The following NBEA variants were observed in gnomAD, a reference collection of about 807,000 sequenced individuals.
NBEA encodes the protein neurobeachin, also known as lysosomal-trafficking regulator 2.
Under a neutral mutation model 343.4 loss-of-function variants are expected in NBEA, and 44 were observed. The observed-to-expected ratio is 0.13, with a 90% CI of 0.10 to 0.16. The LOEUF is 0.16. Among genes scored for constraint, NBEA ranks in the 10% least tolerant of loss-of-function variants. The pLI, the probability that NBEA is intolerant of heterozygous loss-of-function variation, is 1.00. For synonymous variants in NBEA, 1,175 were observed against 1,238.7 expected (o/e 0.95, Z 1.08); for missense variants, 2,555 against 3,631.3 (o/e 0.70, Z 7.62).
At chr13:35,326,916 A>G (rs1017001748) in intron 36 of NBEA, among the ~76,000 whole-genome samples, 1 of 152,062 alleles carries the variant, frequency 6.6e-6, no homozygotes, top group African/African-American at 2.4e-5. Flanking sequence ...GAATCTATAA[A>G]GAACTTAAAC....
intron 1 of NBEA, among the ~76,000 whole-genome samples, chr13:35,039,432 G>A (rs774376508): frequency 1.2e-4 from 19 of 152,086 alleles, no homozygotes; most frequent in Non-Finnish European, 1.8e-4. Flanking sequence ...GGAGTTTTCT[G>A]TTCTGCCATC....
At chr13:35,348,383 A>C (rs1175887111) in intron 36 of NBEA, among the ~76,000 whole-genome samples, 1 of 152,110 alleles carries the variant, frequency 6.6e-6, no homozygotes, top group Non-Finnish European at 1.5e-5. Context: ...ACCCAGGCAT[A>C]ACAGTGGGTA....
intron 30 of NBEA, among the ~76,000 whole-genome samples, chr13:35,192,278 T>G (rs1441880018): frequency 6.6e-6 from 1 of 152,050 alleles, no homozygotes; most frequent in Admixed American, 6.6e-5. Flanking sequence ...ACACGAGTTA[T>G]CTAAGTTGAA....
At position 35,180,794 on chromosome 13, in the gene NBEA, C is replaced by A. The variant is rs112340682; in HGVS notation, c.4663-1566C>A. ...TCACCTGATCAATATACACTGACCC[C>A]AATTTGTAGTCTTTTATCTGTCACC... On this transcript the variant is annotated intron_variant, in intron 28 of 58. Transcript: ENST00000379939. Among the ~76,000 whole-genome samples, 978 of 151,794 alleles carry A rather than the reference C, an allele frequency of 6.4e-3. 11 individuals carry two copies. Among genetic ancestry groups the A allele is most frequent in the African/African-American group, 0.023 (937 of 41,492 alleles).
intron 48 of NBEA, among the ~76,000 whole-genome samples, chr13:35,614,895 G>A (rs566038825): frequency 2.0e-4 from 31 of 152,080 alleles, no homozygotes; most frequent in Middle Eastern, 3.4e-3. Context: ...TGATAGTCCT[G>A]AGTCATCCTG....
chr13:35,158,480 TAAGTA>T (rs915857867), intron 21 of NBEA, among the ~76,000 whole-genome samples: 2 of 152,210 alleles, frequency 1.3e-5, no homozygotes, highest in Admixed American at 6.5e-5. Context: ...TAAAGAAGCC[TAAGTA>T]AAGTAACAAA....
intron 35 of NBEA, among the ~76,000 whole-genome samples, chr13:35,299,456 A>G (rs920942224): frequency 1.3e-5 from 2 of 152,174 alleles, no homozygotes; most frequent in African/African-American, 4.8e-5. Flanking sequence ...AAGAGAACAT[A>G]GGGATTTTAT....
In NBEA at chr13:35,050,421, A is replaced by G. The variant is rs186226681; in HGVS notation, c.972+26A>G. On this transcript the variant is annotated intron_variant, in intron 6 of 58. Coordinates refer to ENST00000379939, the MANE Select transcript of NBEA (RefSeq NM_001385012.1). ...GTAGGTAAAAGTAAATATTTTTATA[A>G]CTCACCTGTTATGACAGAATTCTTA... 8.1e-6 allele frequency: 13 copies of G among 1,596,344 alleles called. No individual in the cohort carries two copies. In the Admixed American group the frequency reaches 2.2e-4, roughly 27 times the overall value.
At chr13:34,953,628 A>G (rs1348026603) in intron 1 of NBEA, among the ~76,000 whole-genome samples, 1 of 152,218 alleles carries the variant, frequency 6.6e-6, no homozygotes. Flanking sequence ...TTTAAATTAC[A>G]GTTGGCCCTC....
intron 38 of NBEA, among the ~76,000 whole-genome samples, chr13:35,363,812 A>G (rs487134): frequency 0.29 from 44,279 of 151,826 alleles, 8,311 homozygotes; most frequent in African/African-American, 0.54. Flanking sequence ...GTTCTAGCTA[A>G]ATGATTAATT....
chr13:35,016,235 G>C (rs1338599921), intron 1 of NBEA, among the ~76,000 whole-genome samples: 1 of 152,008 alleles, frequency 6.6e-6, no homozygotes, highest in Non-Finnish European at 1.5e-5. Flanking sequence ...GTGTATGTGT[G>C]TGTATGTAGA....
chr13:35,237,934 C>G (rs1419425094), intron 34 of NBEA, among the ~76,000 whole-genome samples: 1 of 152,036 alleles, frequency 6.6e-6, no homozygotes, highest in East Asian at 1.9e-4. Flanking sequence ...TTGTATCATT[C>G]TAGAACAATG....
intron 17 of NBEA, among the ~76,000 whole-genome samples, chr13:35,125,940 A>G (rs1400757250): frequency 6.6e-6 from 1 of 152,168 alleles, no homozygotes; most frequent in Non-Finnish European, 1.5e-5. Flanking sequence ...GGATTGCTTG[A>G]GCCCAGGAGT....
chr13:35,111,007 A>G (rs1375813381), intron 13 of NBEA, 29 bp downstream of exon 13: 2 of 1,550,028 alleles, frequency 1.3e-6, no homozygotes, highest in Non-Finnish European at 1.8e-6. Context: ...CTGTATTTAC[A>G]TTTGCCTATG....
At chr13:35,474,750 C>G (rs2075787862) in intron 41 of NBEA, 1 of 279,418 alleles carries the variant, frequency 3.6e-6, no homozygotes, top group Non-Finnish European at 6.7e-6. Context: ...GCAGAGTGTT[C>G]GTCTCGGTCT....
At chr13:35,193,299 C>G (rs1320064575) in intron 30 of NBEA, among the ~76,000 whole-genome samples, 1 of 151,856 alleles carries the variant, frequency 6.6e-6, no homozygotes, top group Non-Finnish European at 1.5e-5. Flanking sequence ...GTTATTTTAT[C>G]AACTTCCAAA....
intron 21 of NBEA, among the ~76,000 whole-genome samples, chr13:35,158,269 A>G (rs1045876923): frequency 6.6e-6 from 1 of 152,074 alleles, no homozygotes; most frequent in African/African-American, 2.4e-5. Flanking sequence ...ACTTATTTAA[A>G]TATACATTAA....
At chr13:35,314,560 T>C (rs2037591826) in intron 36 of NBEA, among the ~76,000 whole-genome samples, 1 of 152,176 alleles carries the variant, frequency 6.6e-6, no homozygotes, top group Non-Finnish European at 1.5e-5. Context: ...GGATTTTTTA[T>C]GGCTGTTCCA....
chr13:35,275,262 T>C (rs886423827), intron 34 of NBEA, among the ~76,000 whole-genome samples: 1 of 152,138 alleles, frequency 6.6e-6, no homozygotes, highest in African/African-American at 2.4e-5. Context: ...GGGGAAAGGA[T>C]TCCCTATTTA....
Sources: gnomAD v4.1 joint callset for allele counts (sites outside exome capture counted in the v4.1 genomes callset) on GRCh38, gnomAD v4.1.1 for gene constraint, MANE v1.5 for transcripts, NCBI Gene and HGNC (gene_info 2026-07-23, HGNC 2026-07-21) for gene names.